Variants in RB1 observed in about 807,000 individuals in gnomAD.
RB1 encodes retinoblastoma-associated protein.
In RB1, 18 loss-of-function variants were observed where a neutral mutation model predicts 135.4. The observed-to-expected ratio is 0.13, with a 90% CI of 0.09 to 0.20. RB1 has a LOEUF of 0.20. Ranked by LOEUF, RB1 falls within the 10% of genes least tolerant of loss-of-function variation. The probability of loss-of-function intolerance (pLI) is 1.00; values close to 1 mark genes in which losing one functional copy is unlikely to be tolerated. For synonymous variants in RB1, 365 were observed against 373.2 expected, an observed-to-expected ratio of 0.98 and a Z score of 0.25; for missense variants, 868 against 1,110.0, an observed-to-expected ratio of 0.78 and a Z score of 3.10.
chr13:48,420,608 C>T (rs1340606095), intron 17 of RB1, among the ~76,000 whole-genome samples: 2 of 152,180 alleles, frequency 1.3e-5, no homozygotes, highest in African/African-American at 2.4e-5. Context: ...TCTCTGTTTG[C>T]AGAGACAATG....
intron 2 of RB1, among the ~76,000 whole-genome samples, chr13:48,327,132 A>G (rs555841841): frequency 1.3e-5 from 2 of 152,260 alleles, no homozygotes; most frequent in Admixed American, 1.3e-4. Flanking sequence ...ATCCTTGGAC[A>G]AAGTTACAGA....
rs571324464 is a variant in RB1 at position 48,472,396 on chromosome 13, G to T, written c.2490-964G>T. On this transcript the variant is annotated intron_variant, in intron 23 of 26. Transcript: ENST00000267163. The stretch of plus-strand genomic sequence containing the variant: ...CCTTTATTTATTTGGTGTTCTTGTA[G>T]TTGGATATCTGTGTACTGATATCTA... 3.9e-5 allele frequency among the ~76,000 whole-genome samples: 6 copies of T among 152,214 alleles called. No homozygotes were observed. The South Asian group carries it at 1.2e-3, about 32-fold the overall frequency.
At chr13:48,427,077 T>G (rs1390504713) in intron 17 of RB1, among the ~76,000 whole-genome samples, 1 of 152,232 alleles carries the variant, frequency 6.6e-6, no homozygotes, top group Non-Finnish European at 1.5e-5. Context: ...AAGGGGGTGG[T>G]GCTAAACCAT....
At chr13:48,412,299 A>C (rs200529724) in intron 17 of RB1, 7 of 1,613,816 alleles carry the variant, frequency 4.3e-6, no homozygotes, top group Non-Finnish European at 5.9e-6. Flanking sequence ...GACGCAGATG[A>C]AAATGTATAT....
chr13:48,366,947 C>T (rs1004478075), intron 9 of RB1, among the ~76,000 whole-genome samples: 3 of 151,780 alleles, frequency 2.0e-5, no homozygotes, highest in Non-Finnish European at 4.4e-5. Context: ...GGCGAAACCC[C>T]GTCTCTACTA....
rs2138112622 is a variant in RB1, at chr13:48,362,914, T to G, written c.818T>G (p.Ile273Ser). ...IAKQLENDTRIIEVLCKEHEC... is the reference protein window; with the variant it reads ...IAKQLENDTRSIEVLCKEHEC... ...AAACAACTAGAAAATGATACAAGAA[T>G]TATTGAAGTTCTCTGTAAAGAACAT... Residue 273 changes from isoleucine (I) to serine (S), a missense_variant, in exon 8 of 27, where the codon ATT becomes AGT. Ile to Ser is a moderately radical substitution (Grantham distance 142). Transcript: ENST00000267163. The G allele has an allele frequency of 6.2e-7, 1 of 1,613,804 alleles. No homozygotes were observed. The highest frequency in any genetic ancestry group is 8.5e-7 in the Non-Finnish European group (1 of 1,179,832).
chr13:48,362,597 C>CT (rs1952653440), intron 7 of RB1, among the ~76,000 whole-genome samples: 1 of 151,882 alleles, frequency 6.6e-6, no homozygotes, highest in South Asian at 2.1e-4. Flanking sequence ...GTTTACAGTT[C>CT]TTTTTGGGAG....
intron 1 of RB1, 23 bp from the exon 2 acceptor site, chr13:48,307,257 A>G: frequency 1.9e-6 from 3 of 1,585,904 alleles, no homozygotes; most frequent in Non-Finnish European, 1.7e-6. Context: ...TATGCCAATT[A>G]TATGATTATT....
At chr13:48,433,910 G>T (rs967963433) in intron 17 of RB1, among the ~76,000 whole-genome samples, 3 of 151,110 alleles carry the variant, frequency 2.0e-5, no homozygotes, top group Admixed American at 1.3e-4. Context: ...CTTTTTTTCA[G>T]ATAGGGTCTT....
At chr13:48,394,046 GGT>G (rs1344590215) in intron 17 of RB1, among the ~76,000 whole-genome samples, 1 of 152,158 alleles carries the variant, frequency 6.6e-6, no homozygotes, top group Non-Finnish European at 1.5e-5. Context: ...TTCCAACTGA[GGT>G]ACCTGGCTCA....
At chr13:48,382,280 C>T (rs961315680) in intron 17 of RB1, among the ~76,000 whole-genome samples, 3 of 151,668 alleles carry the variant, frequency 2.0e-5, no homozygotes, top group Non-Finnish European at 4.4e-5. Flanking sequence ...CTTGAGGAAT[C>T]GCCACACTGT....
intron 4 of RB1, 78 bp from the exon 5 acceptor site, chr13:48,347,747 T>C: frequency 1.1e-6 from 1 of 940,656 alleles, no homozygotes; most frequent in Non-Finnish European, 1.7e-6. Context: ...TAAAAGAAGA[T>C]AAATAAAGCA....
intron 11 of RB1, among the ~76,000 whole-genome samples, chr13:48,371,012 A>G (rs4151509): frequency 0.025 from 3,831 of 152,302 alleles, 115 homozygotes; most frequent in African/African-American, 0.073. Flanking sequence ...CCAAACATCT[A>G]TTTCACAATA....
chr13:48,442,530 A>G (rs1344513122), intron 17 of RB1, among the ~76,000 whole-genome samples: 1 of 152,124 alleles, frequency 6.6e-6, no homozygotes, highest in Non-Finnish European at 1.5e-5. Flanking sequence ...TTCCTACTGT[A>G]CTTAGGATAA....
At chr13:48,394,561 G>A (rs1948633590) in intron 17 of RB1, among the ~76,000 whole-genome samples, 1 of 152,182 alleles carries the variant, frequency 6.6e-6, no homozygotes, top group African/African-American at 2.4e-5. Context: ...GTAGAGCTAG[G>A]TAGGGGGAGG....
chr13:48,456,200 C>T lies in RB1; in HGVS notation c.1815-4C>T, dbSNP rs1593531868. 1 of 1,613,912 alleles carries T rather than the reference C, an allele frequency of 6.2e-7. No homozygotes were observed. ...ATGAAGACTTTTCCTTTAAATATAT[C>T]TAGGTATCTTTCTCCTGTAAGATCT... On this transcript the variant is annotated splice_polypyrimidine_tract_variant and splice_region_variant and intron_variant, in intron 18 of 26. Transcript: ENST00000267163.
chr13:48,450,624 A>G (rs1400092122), intron 17 of RB1, among the ~76,000 whole-genome samples: 1 of 152,188 alleles, frequency 6.6e-6, no homozygotes, highest in Non-Finnish European at 1.5e-5. Context: ...CTTTTTGCTT[A>G]GGATTGTCTT....
intron 2 of RB1, among the ~76,000 whole-genome samples, chr13:48,333,734 A>T (rs1158340334): frequency 6.6e-6 from 1 of 151,680 alleles, no homozygotes; most frequent in Non-Finnish European, 1.5e-5. Context: ...GAGAAAAAAA[A>T]GAAAAAAAAA....
intron 17 of RB1, among the ~76,000 whole-genome samples, chr13:48,395,914 C>T (rs1948644309): frequency 6.6e-6 from 1 of 152,002 alleles, no homozygotes; most frequent in South Asian, 2.1e-4. Context: ...AAGAGGAACC[C>T]CAGGACATAT....
Sources: allele counts gnomAD v4.1 joint callset (sites outside exome capture counted in the v4.1 genomes callset), GRCh38; gene constraint gnomAD v4.1.1; transcripts MANE v1.5; gene names NCBI Gene and HGNC (gene_info 2026-07-23, HGNC 2026-07-21).